RBMS3: variants seen among roughly 807,000 people sequenced by gnomAD.
RBMS3 encodes RNA-binding motif, single-stranded-interacting protein 3.
A neutral mutation model predicts 66.8 loss-of-function variants in RBMS3; 27 were observed. The observed-to-expected ratio is 0.40, with a 90% confidence interval of 0.30 to 0.56. RBMS3 has a LOEUF of 0.56. Among genes scored for constraint, RBMS3 ranks in the 20% least tolerant of loss-of-function variants. The pLI, the probability that RBMS3 is intolerant of heterozygous loss-of-function variation, is 0.40. For missense variants in RBMS3, 513 were observed against 549.5 expected (o/e 0.93, Z 0.66); for synonymous variants, 188 against 183.0 (o/e 1.03, Z -0.22).
At chr3:29,555,579 C>T (rs577275180) in intron 3 of RBMS3, among the ~76,000 whole-genome samples, 1 of 152,216 alleles carries the variant, frequency 6.6e-6, no homozygotes, top group African/African-American at 2.4e-5. Context: ...TGTGAGAAAA[C>T]AAGGTGCAAG....
Position 29,293,879 on chromosome 3 carries a change from C to CT in RBMS3, c.75+12134dup, listed in dbSNP as rs202019120. Among the ~76,000 whole-genome samples the CT allele has an allele frequency of 5.0e-3, 722 of 143,646 alleles. 5 individuals are homozygous for CT. The highest frequency in any genetic ancestry group is 0.037 in the East Asian group (181 of 4,852). The allele number at this position is 143,646 out of a possible 152,430, so 94.2% of individuals were successfully genotyped here. A position where few individuals can be genotyped will look rare whatever the true frequency, so the allele number is the denominator to read the frequency against. ...TTGTTCTCTCAGCTTTCAGTCTTTT[C>CT]TTTTTTTTTTTAATTATTGCTTTTT... On this transcript the variant is annotated intron_variant, in intron 1 of 14. Transcript: ENST00000383767.
chr3:29,559,553 A>C (rs1029148184), intron 3 of RBMS3, among the ~76,000 whole-genome samples: 1 of 139,008 alleles, frequency 7.2e-6, no homozygotes, highest in Non-Finnish European at 1.5e-5. Flanking sequence ...AAAAAAAAAA[A>C]CCTGACTATT....
intron 2 of RBMS3, among the ~76,000 whole-genome samples, chr3:29,487,929 A>C (rs1262385790): frequency 6.6e-6 from 1 of 152,176 alleles, no homozygotes; most frequent in Admixed American, 6.5e-5. Flanking sequence ...ACTATATTAC[A>C]TTGCTCCTGG....
chr3:29,622,352 A>G (rs537114900), intron 4 of RBMS3, among the ~76,000 whole-genome samples: 27 of 152,374 alleles, frequency 1.8e-4, no homozygotes, highest in African/African-American at 6.5e-4. Context: ...TGGAAGATCT[A>G]TGTGTATTAC....
At position 29,384,876 on chromosome 3, in the gene RBMS3, T is replaced by C. The variant is rs190449619; in HGVS notation, c.76-49867T>C. Reference sequence around the variant, plus strand: ...TTGGTTGGCTCAGATTACCTTGTTCTGGTTAAATGAAAAAGTATTAACATA... The same window carrying C: ...TTGGTTGGCTCAGATTACCTTGTTCCGGTTAAATGAAAAAGTATTAACATA... On this transcript the variant is annotated intron_variant, in intron 1 of 14. Transcript: ENST00000383767. 4.7e-4 allele frequency among the ~76,000 whole-genome samples: 72 copies of C among 152,336 alleles called. No individual in the cohort carries two copies. In the East Asian group the frequency reaches 0.012, roughly 25 times the overall value.
At chr3:29,551,674 G>A (rs147801726) in intron 3 of RBMS3, among the ~76,000 whole-genome samples, 7 of 152,260 alleles carry the variant, frequency 4.6e-5, no homozygotes, top group Non-Finnish European at 7.4e-5. Flanking sequence ...TATGGAAGAT[G>A]CTAGGAAAAA....
At chr3:29,703,602 A>G (rs535573359) in intron 4 of RBMS3, among the ~76,000 whole-genome samples, 1 of 152,336 alleles carries the variant, frequency 6.6e-6, no homozygotes, top group South Asian at 2.1e-4. Flanking sequence ...GCCATGTTAT[A>G]ACAAAGTATT....
chr3:29,415,298 T>C (rs1036613234), intron 1 of RBMS3, among the ~76,000 whole-genome samples: 2 of 152,148 alleles, frequency 1.3e-5, no homozygotes, highest in African/African-American at 4.8e-5. Flanking sequence ...GAAGCAATCG[T>C]TTTTCTTTTT....
At chr3:29,807,595 T>A (rs2149452505) in intron 6 of RBMS3, among the ~76,000 whole-genome samples, 1 of 151,978 alleles carries the variant, frequency 6.6e-6, no homozygotes, top group South Asian at 2.1e-4. Flanking sequence ...AATGAGCAAA[T>A]GATTTTTAAA....
intron 4 of RBMS3, among the ~76,000 whole-genome samples, chr3:29,736,819 T>A (rs893764943): frequency 6.6e-6 from 1 of 152,236 alleles, no homozygotes; most frequent in Non-Finnish European, 1.5e-5. Flanking sequence ...ACACTTCCAT[T>A]AATTATGAAT....
intron 1 of RBMS3, among the ~76,000 whole-genome samples, chr3:29,308,510 G>A (rs1452890522): frequency 6.6e-6 from 1 of 151,692 alleles, no homozygotes; most frequent in Non-Finnish European, 1.5e-5. Context: ...ACTATGTGAT[G>A]CAGAATATGG....
intron 4 of RBMS3, among the ~76,000 whole-genome samples, chr3:29,623,743 G>A (rs1353010456): frequency 1.3e-5 from 2 of 152,070 alleles, no homozygotes; most frequent in African/African-American, 4.8e-5. Context: ...TCAGCTAGAG[G>A]AAAAAAATCC....
At chr3:29,720,824 A>G (rs1477786709) in intron 4 of RBMS3, among the ~76,000 whole-genome samples, 1 of 152,022 alleles carries the variant, frequency 6.6e-6, no homozygotes, top group Non-Finnish European at 1.5e-5. Flanking sequence ...CTGTATTTAT[A>G]TCTGTAATTA....
At chr3:29,926,297 C>T (rs890151060) in intron 10 of RBMS3, among the ~76,000 whole-genome samples, 4 of 152,046 alleles carry the variant, frequency 2.6e-5, no homozygotes, top group African/African-American at 9.7e-5. Flanking sequence ...GTTAAGTTTC[C>T]AGCCCTAACC....
chr3:29,955,144 T>G (rs964696264), intron 12 of RBMS3, among the ~76,000 whole-genome samples: 3 of 151,978 alleles, frequency 2.0e-5, no homozygotes, highest in Non-Finnish European at 4.4e-5. Flanking sequence ...CACAGTATGG[T>G]GATAGCTGCT....
rs75356552 is a variant in RBMS3 at position 29,281,364 on chromosome 3, G to C, written c.-318G>C. ...AATTGACATCACTACAGACAGCCTGGTTAGAGAACAAACTGCCTCATCCCA... is the reference window on the plus strand; with the variant it reads ...AATTGACATCACTACAGACAGCCTGCTTAGAGAACAAACTGCCTCATCCCA... On this transcript the variant is annotated 5_prime_UTR_variant, in exon 1 of 15. Coordinates refer to ENST00000383767, the MANE Select transcript of RBMS3 (RefSeq NM_001003793.3). 31,068 of 418,144 alleles carry C rather than the reference G, an allele frequency of 0.074. 1,449 individuals carry two copies. Among genetic ancestry groups the C allele is most frequent in the Non-Finnish European group, 0.089 (20,874 of 235,164 alleles). 25.9% of individuals were successfully genotyped at this position (418,144 alleles called of 1,614,324 possible).
rs562614961 is a variant in RBMS3 at position 29,379,124 on chromosome 3, T to C, written c.76-55619T>C. ...CCTGAGCACTGAACACACATATATATGTACATACAGGAATGCAGGGACATA... is the reference window on the plus strand; with the variant it reads ...CCTGAGCACTGAACACACATATATACGTACATACAGGAATGCAGGGACATA... On this transcript the variant is annotated intron_variant, in intron 1 of 14. Transcript: ENST00000383767. 7.8e-4 allele frequency among the ~76,000 whole-genome samples: 119 copies of C among 152,286 alleles called. 2 individuals are homozygous for C. The highest frequency in any genetic ancestry group is 2.7e-3 in the African/African-American group (112 of 41,572).
chr3:29,394,014 AG>A lies in RBMS3; in HGVS notation c.76-40726del, dbSNP rs371149631. Among the ~76,000 whole-genome samples, 29 of 152,308 alleles carry A rather than the reference AG, an allele frequency of 1.9e-4. No individual in the cohort carries two copies. In the East Asian group the frequency reaches 4.3e-3, roughly 22 times the overall value. On this transcript the variant is annotated intron_variant, in intron 1 of 14. Transcript: ENST00000383767. ...ATTGATAAACATCTTAACAGGAAAC[AG>A]GGTTCGAGAGCAGACAACTGGTCTG...
chr3:29,502,404 G>GTTTT (rs2044008682), intron 3 of RBMS3, among the ~76,000 whole-genome samples: 2 of 152,022 alleles, frequency 1.3e-5, no homozygotes, highest in Non-Finnish European at 2.9e-5. Flanking sequence ...ATCCCAATAA[G>GTTTT]TAAGACTAGA....
Sources: gnomAD v4.1 joint callset for allele counts (sites outside exome capture counted in the v4.1 genomes callset) on GRCh38, gnomAD v4.1.1 for gene constraint, MANE v1.5 for transcripts, NCBI Gene and HGNC (gene_info 2026-07-23, HGNC 2026-07-21) for gene names.